Variants in ZC3H3 observed in about 807,000 individuals in gnomAD.
ZC3H3 encodes zinc finger CCCH domain-containing protein 3.
ZC3H3 carries 36 observed loss-of-function variants against 77.3 expected under a neutral mutation model. That is an observed-to-expected ratio of 0.47 (90% CI 0.36 to 0.61). ZC3H3 has a LOEUF of 0.61. Among genes scored for constraint, ZC3H3 ranks in the 20% least tolerant of loss-of-function variants. ZC3H3 has a pLI of 0.00. For synonymous variants in ZC3H3, 626 were observed against 555.2 expected (o/e 1.13, Z -1.79); for missense variants, 1,331 against 1,312.2 (o/e 1.01, Z -0.22).
At chr8:143,505,725 C>T (rs1163384559) in intron 4 of ZC3H3, among the ~76,000 whole-genome samples, 2 of 152,232 alleles carry the variant, frequency 1.3e-5, no homozygotes, top group African/African-American at 4.8e-5. Flanking sequence ...CGGACTCAGC[C>T]TGGCCTTCAC....
chr8:143,518,653 C>A (rs1230542206), intron 3 of ZC3H3, among the ~76,000 whole-genome samples: 1 of 152,234 alleles, frequency 6.6e-6, no homozygotes, highest in Non-Finnish European at 1.5e-5. Context: ...CTGAGGGCCT[C>A]CTCCAGGGCT....
At chr8:143,483,905 T>C (rs576034303) in intron 4 of ZC3H3, among the ~76,000 whole-genome samples, 9 of 152,268 alleles carry the variant, frequency 5.9e-5, no homozygotes, top group African/African-American at 2.2e-4. Flanking sequence ...AGTCCCGCTG[T>C]CACCCCCACA....
chr8:143,526,436 C>A (rs1822414999), intron 3 of ZC3H3, among the ~76,000 whole-genome samples: 1 of 152,228 alleles, frequency 6.6e-6, no homozygotes, highest in South Asian at 2.1e-4. Context: ...CAGGAGACCC[C>A]TCAGGGAACC....
chr8:143,445,467 T>C (rs1819843935), intron 9 of ZC3H3, among the ~76,000 whole-genome samples: 1 of 151,532 alleles, frequency 6.6e-6, no homozygotes, highest in African/African-American at 2.4e-5. Flanking sequence ...GGAGGATTGC[T>C]TGAGACCAGG....
intron 3 of ZC3H3, among the ~76,000 whole-genome samples, chr8:143,535,011 G>A (rs554839154): frequency 9.9e-5 from 15 of 151,904 alleles, no homozygotes; most frequent in African/African-American, 1.4e-4. Flanking sequence ...TTCCAGAGCC[G>A]TCTGAAGCCT....
chr8:143,507,282 C>T (rs1040648650), intron 4 of ZC3H3, among the ~76,000 whole-genome samples: 1 of 152,242 alleles, frequency 6.6e-6, no homozygotes, highest in Admixed American at 6.5e-5. Flanking sequence ...GACAGGCAGC[C>T]AGCAGCAGGG....
intron 3 of ZC3H3, among the ~76,000 whole-genome samples, chr8:143,521,513 T>C (rs544131153): frequency 2.1e-4 from 32 of 152,290 alleles, no homozygotes; most frequent in Admixed American, 2.1e-3. Flanking sequence ...CTCCTGCACA[T>C]GGGGCATCTG....
At chr8:143,521,089 C>T (rs953593673) in intron 3 of ZC3H3, among the ~76,000 whole-genome samples, 2 of 152,140 alleles carry the variant, frequency 1.3e-5, no homozygotes, top group South Asian at 4.1e-4. Flanking sequence ...GAGGGGCAGG[C>T]CCGGCCCCGC....
intron 3 of ZC3H3, among the ~76,000 whole-genome samples, chr8:143,518,976 G>T (rs1424420939): frequency 6.6e-6 from 1 of 152,236 alleles, no homozygotes; most frequent in African/African-American, 2.4e-5. Context: ...AGCACGGGGT[G>T]CAGCCCCAGC....
intron 3 of ZC3H3, among the ~76,000 whole-genome samples, chr8:143,509,002 C>T (rs1821793875): frequency 6.6e-6 from 1 of 152,160 alleles, no homozygotes; most frequent in Non-Finnish European, 1.5e-5. Context: ...AGCTTCTAGC[C>T]CATCTCTCCA....
intron 4 of ZC3H3, among the ~76,000 whole-genome samples, chr8:143,479,948 G>A (rs1370334233): frequency 6.6e-6 from 1 of 152,232 alleles, no homozygotes; most frequent in Non-Finnish European, 1.5e-5. Context: ...TTGCAGGCCA[G>A]AGGCTGCCCG....
intron 4 of ZC3H3, among the ~76,000 whole-genome samples, chr8:143,482,441 C>G (rs185179797): frequency 5.3e-5 from 8 of 152,178 alleles, no homozygotes; most frequent in Non-Finnish European, 7.4e-5. Flanking sequence ...TGTGTGCCAC[C>G]CTGGGGCTCC....
chr8:143,486,070 G>C (rs1436610160), intron 4 of ZC3H3, among the ~76,000 whole-genome samples: 2 of 152,188 alleles, frequency 1.3e-5, no homozygotes, highest in Non-Finnish European at 2.9e-5. Context: ...CACAAACGAG[G>C]GCTACCAGCA....
intron 3 of ZC3H3, among the ~76,000 whole-genome samples, chr8:143,518,150 G>T (rs1218642091): frequency 6.6e-6 from 1 of 152,230 alleles, no homozygotes; most frequent in South Asian, 2.1e-4. Context: ...CCAGGGCCAG[G>T]ATGGCCTAGC....
At chr8:143,537,736 C>A (rs1276411399) in intron 2 of ZC3H3, among the ~76,000 whole-genome samples, 1 of 152,214 alleles carries the variant, frequency 6.6e-6, no homozygotes, top group African/African-American at 2.4e-5. Flanking sequence ...CTGCCCCCAG[C>A]GAGCTGCTTG....
chr8:143,461,758 A>G (rs1167311028), intron 9 of ZC3H3, among the ~76,000 whole-genome samples: 1 of 152,158 alleles, frequency 6.6e-6, no homozygotes, highest in Non-Finnish European at 1.5e-5. Flanking sequence ...CAGCAACACG[A>G]AAGGCCCACA....
rs574332681 is a variant in ZC3H3 at position 143,501,937 on chromosome 8, G to A, written c.1715+5809C>T. Among the ~76,000 whole-genome samples, 15 of 152,364 alleles carry A rather than the reference G, an allele frequency of 9.8e-5. No homozygotes were observed. In the East Asian group the frequency reaches 1.9e-3, roughly 20 times the overall value. On this transcript the variant is annotated intron_variant, in intron 4 of 11. Coordinates refer to ENST00000262577, the MANE Select transcript of ZC3H3 (RefSeq NM_015117.3). ...CCGATGCTGAAGCCCTGACCCCAGC[G>A]GGATGGCGTGAGGACGCAGGGCCTT...
At chr8:143,523,605 T>G in intron 3 of ZC3H3, 1 of 915,854 alleles carries the variant, frequency 1.1e-6, no homozygotes, top group Non-Finnish European at 1.3e-6. Context: ...AGGACATCCG[T>G]TTGAGGACCC....
intron 5 of ZC3H3, among the ~76,000 whole-genome samples, chr8:143,472,527 T>A (rs2129893702): frequency 6.6e-6 from 1 of 152,148 alleles, no homozygotes. Context: ...GGCTATGCAC[T>A]CCCTCCTCCC....
Sources: allele counts gnomAD v4.1 joint callset (sites outside exome capture counted in the v4.1 genomes callset), GRCh38; gene constraint gnomAD v4.1.1; transcripts MANE v1.5; gene names NCBI Gene and HGNC (gene_info 2026-07-23, HGNC 2026-07-21).